HSD17B11: variants seen among roughly 807,000 people sequenced by gnomAD.
The protein encoded by HSD17B11 is estradiol 17-beta-dehydrogenase 11.
HSD17B11 carries 22 observed loss-of-function variants against 27.8 expected under a neutral mutation model. The observed-to-expected ratio is 0.79, with a 90% CI of 0.56 to 1.13. The LOEUF (loss-of-function observed/expected upper bound fraction) is 1.13, where lower values mean the gene tolerates loss of function less well. Among genes scored for constraint, HSD17B11 ranks in the 50% most tolerant of loss-of-function variants. HSD17B11 has a pLI of 0.00. For synonymous variants in HSD17B11, 117 were observed against 132.8 expected, an observed-to-expected ratio of 0.88 and a Z score of 0.82; for missense variants, 314 against 351.1, an observed-to-expected ratio of 0.89 and a Z score of 0.84.
intron 2 of HSD17B11, among the ~76,000 whole-genome samples, chr4:87,378,879 TAAATATATATATATAAATATATATAA>T (rs1720018200): frequency 2.4e-4 from 7 of 28,896 alleles, no homozygotes; most frequent in Admixed American, 2.0e-3. Flanking sequence ...TATATATATA[TAAATATATATATATAAATATATATAA>T]ATATATATAT....
chr4:87,356,887 T>C lies in HSD17B11; in HGVS notation c.695+392A>G, dbSNP rs184470509. ...CTATGATAATCACCTTTTTTAAATG[T>C]AGAGTTCCAGGCTCCCTTCCCTGCC... On this transcript the variant is annotated intron_variant, in intron 5 of 6. Coordinates refer to ENST00000358290, the MANE Select transcript of HSD17B11 (RefSeq NM_016245.5). Among the ~76,000 whole-genome samples, 124 of 152,268 alleles carry C rather than the reference T, an allele frequency of 8.1e-4. 1 individual carries two copies. Among genetic ancestry groups the C allele is most frequent in the Non-Finnish European group, 7.3e-4 (50 of 68,034 alleles).
chr4:87,342,946 G>A (rs993401862), intron 5 of HSD17B11, among the ~76,000 whole-genome samples: 4 of 152,174 alleles, frequency 2.6e-5, no homozygotes, highest in African/African-American at 9.7e-5. Context: ...AGAAACTGAA[G>A]GATGCTATGC....
intron 5 of HSD17B11, among the ~76,000 whole-genome samples, chr4:87,356,579 C>T (rs1735391812): frequency 1.3e-5 from 2 of 151,562 alleles, no homozygotes; most frequent in South Asian, 4.2e-4. Flanking sequence ...GGTTTCCACT[C>T]AATAGAGGGT....
rs1679325109 is a variant in HSD17B11 at position 87,372,788 on chromosome 4, T to C, written c.478A>G (p.Thr160Ala). Residue 160 changes from threonine to alanine, a missense_variant, in exon 4 of 7, where the codon ACG becomes GCG. Coordinates refer to ENST00000358290, the MANE Select transcript of HSD17B11 (RefSeq NM_016245.5). Reference sequence around the variant, plus strand: ...ACAATATGGCCATGGTTATTCTTCGTCATTGCAGGAAGAAATGCCTTTGTA... The same window carrying C: ...ACAATATGGCCATGGTTATTCTTCGCCATTGCAGGAAGAAATGCCTTTGTA... Reference protein sequence around the residue: ...WTTKAFLPAMTKNNHGHIVTV... With the variant: ...WTTKAFLPAMAKNNHGHIVTV... The C allele has an allele frequency of 6.2e-7, 1 of 1,613,472 alleles. No homozygotes were observed. The highest frequency in any genetic ancestry group is 1.1e-5 in the South Asian group (1 of 91,062).
intron 3 of HSD17B11, among the ~76,000 whole-genome samples, chr4:87,373,640 C>G (rs66699153): frequency 0.36 from 54,392 of 151,766 alleles, 11,041 homozygotes; most frequent in African/African-American, 0.54. Flanking sequence ...AGCCCAGGAA[C>G]CTGAAGCTGC....
intron 4 of HSD17B11, among the ~76,000 whole-genome samples, chr4:87,368,339 C>A (rs957722963): frequency 6.6e-5 from 10 of 151,802 alleles, no homozygotes; most frequent in African/African-American, 2.2e-4. Flanking sequence ...AACACACACA[C>A]AAAAAACTCA....
At chr4:87,337,956 G>A (rs760989684) in intron 6 of HSD17B11, among the ~76,000 whole-genome samples, 3 of 152,160 alleles carry the variant, frequency 2.0e-5, no homozygotes, top group African/African-American at 4.8e-5. Context: ...GGTGGCTCAC[G>A]CCTGTAATCC....
intron 4 of HSD17B11, among the ~76,000 whole-genome samples, chr4:87,371,956 T>C (rs1735724483): frequency 6.6e-6 from 1 of 152,166 alleles, no homozygotes; most frequent in African/African-American, 2.4e-5. Flanking sequence ...TAAAAGCCAC[T>C]TCTCGGCTGG....
At chr4:87,390,214 G>T (rs1333859123) in intron 1 of HSD17B11, among the ~76,000 whole-genome samples, 1 of 152,240 alleles carries the variant, frequency 6.6e-6, no homozygotes, top group Non-Finnish European at 1.5e-5. Context: ...GAAGTGCAGT[G>T]GCGCCATCTT....
At chr4:87,367,497 A>C (rs1735632509) in intron 4 of HSD17B11, among the ~76,000 whole-genome samples, 1 of 152,238 alleles carries the variant, frequency 6.6e-6, no homozygotes, top group South Asian at 2.1e-4. Flanking sequence ...GAGTTCCATC[A>C]AAGCCAATTA....
At chr4:87,387,665 G>C (rs921047726) in intron 1 of HSD17B11, among the ~76,000 whole-genome samples, 2 of 151,930 alleles carry the variant, frequency 1.3e-5, no homozygotes, top group Non-Finnish European at 2.9e-5. Flanking sequence ...GGCCAAATAA[G>C]GACACTCAAA....
intron 6 of HSD17B11, 111 bp downstream of exon 6, chr4:87,340,379 A>G (rs1202567487): frequency 1.6e-6 from 1 of 629,872 alleles, no homozygotes; most frequent in East Asian, 2.8e-5. Flanking sequence ...TTATTAAGTC[A>G]ATTCCATTTA....
chr4:87,338,816 C>T (rs994643357), intron 6 of HSD17B11, among the ~76,000 whole-genome samples: 4 of 152,192 alleles, frequency 2.6e-5, no homozygotes, highest in East Asian at 1.9e-4. Context: ...GGATTACAGG[C>T]GTGAGCCACC....
intron 5 of HSD17B11, among the ~76,000 whole-genome samples, chr4:87,344,471 C>G (rs1053720009): frequency 6.6e-6 from 1 of 152,106 alleles, no homozygotes; most frequent in Non-Finnish European, 1.5e-5. Flanking sequence ...GTGTAGCTAA[C>G]AAGAGATCCC....
At chr4:87,381,141 C>G (rs555214868) in intron 2 of HSD17B11, among the ~76,000 whole-genome samples, 1 of 145,018 alleles carries the variant, frequency 6.9e-6, no homozygotes, top group African/African-American at 2.6e-5. Context: ...GAGCTGAGAT[C>G]ACGCCACTGC....
At position 87,347,069 on chromosome 4, in the gene HSD17B11, A is replaced by G. The variant is rs554987506; in HGVS notation, c.696-6463T>C. ...ATTATTGGGAGCAATAGCATCTCCT[A>G]GTGATGATTTTAGGGTTGTTTTTAG... On this transcript the variant is annotated intron_variant, in intron 5 of 6. Transcript: ENST00000358290. 1.8e-4 allele frequency among the ~76,000 whole-genome samples: 25 copies of G among 135,252 alleles called. 2 individuals are homozygous for G. The highest frequency in any genetic ancestry group is 6.8e-4 in the African/African-American group (25 of 36,504). 88.7% of individuals were successfully genotyped at this position (135,252 alleles called of 152,430 possible). A position where few individuals can be genotyped will look rare whatever the true frequency, so the allele number is the denominator to read the frequency against.
intron 2 of HSD17B11, among the ~76,000 whole-genome samples, chr4:87,375,936 C>T (rs1048007765): frequency 6.6e-6 from 1 of 152,182 alleles, no homozygotes; most frequent in African/African-American, 2.4e-5. Flanking sequence ...TGAGTTTGGG[C>T]TCTGCCAGTC....
chr4:87,388,109 C>G (rs1720365874), intron 1 of HSD17B11, among the ~76,000 whole-genome samples: 2 of 149,022 alleles, frequency 1.3e-5, no homozygotes, highest in Non-Finnish European at 1.5e-5. Context: ...CCGGTACTGT[C>G]TCATAGAAAT....
intron 3 of HSD17B11, among the ~76,000 whole-genome samples, chr4:87,373,744 T>C (rs1307648548): frequency 6.6e-6 from 1 of 151,972 alleles, no homozygotes; most frequent in Admixed American, 6.6e-5. Flanking sequence ...AACCTATATT[T>C]GAACAAACAC....
Sources: allele counts gnomAD v4.1 joint callset (sites outside exome capture counted in the v4.1 genomes callset), GRCh38; gene constraint gnomAD v4.1.1; transcripts MANE v1.5; gene names NCBI Gene and HGNC (gene_info 2026-07-23, HGNC 2026-07-21).